The following SLC13A2 variants were observed in gnomAD, a reference collection of about 807,000 sequenced individuals.
The protein encoded by SLC13A2 is solute carrier family 13 member 2.
Under a neutral mutation model 58.5 loss-of-function variants are expected in SLC13A2, and 40 were observed. The ratio of observed to expected loss-of-function variants is 0.68; its 90% CI spans 0.53 to 0.89. The LOEUF (loss-of-function observed/expected upper bound fraction) is 0.89. SLC13A2 is among the 40% of genes least tolerant of loss of function. The pLI is 0.00. For missense variants in SLC13A2, 694 were observed against 772.6 expected, an observed-to-expected ratio of 0.90 and a Z score of 1.21; for synonymous variants, 341 against 331.6, an observed-to-expected ratio of 1.03 and a Z score of -0.31.
intron 1 of SLC13A2, among the ~76,000 whole-genome samples, chr17:28,477,186 G>GTTTTTTTTTT (rs1251199584): frequency 1.7e-5 from 2 of 119,430 alleles, no homozygotes; most frequent in Non-Finnish European, 1.7e-5. Context: ...AAACACCCAA[G>GTTTTTTTTTT]TTTTTTGTTT....
intron 2 of SLC13A2, among the ~76,000 whole-genome samples, chr17:28,489,582 T>C: frequency 6.6e-6 from 1 of 151,840 alleles, no homozygotes; most frequent in South Asian, 2.1e-4. Context: ...AGGTGGGAGG[T>C]GGAAGGCCTA....
chr17:28,477,063 A>G (rs903954357), intron 1 of SLC13A2, among the ~76,000 whole-genome samples: 4 of 151,904 alleles, frequency 2.6e-5, no homozygotes, highest in Non-Finnish European at 4.4e-5. Context: ...GGGAGGCTGA[A>G]GCAGGAGAAA....
At chr17:28,482,327 C>T (rs1330727495) in intron 1 of SLC13A2, among the ~76,000 whole-genome samples, 1 of 152,188 alleles carries the variant, frequency 6.6e-6, no homozygotes, top group East Asian at 1.9e-4. Flanking sequence ...GCTGGGATTA[C>T]AGGTGTGAGC....
chr17:28,494,395 C>T lies in SLC13A2; in HGVS notation c.1191C>T (p.Asn397=), dbSNP rs1555604221. The T allele has an allele frequency of 6.2e-7, 1 of 1,614,166 alleles. No homozygotes were observed. Among genetic ancestry groups the T allele is most frequent in the East Asian group, 2.2e-5 (1 of 44,862 alleles). ...CCTTCTCTGCTTGGGAAGTAGAAAACCCAGGGAAGCTGAAGGCCCCTCTTG... is the reference window on the plus strand; with the variant it reads ...CCTTCTCTGCTTGGGAAGTAGAAAATCCAGGGAAGCTGAAGGCCCCTCTTG... ...KFPGLTQDPE[N]PGKLKAPLGL... The change falls in exon 9 of 12, where the codon AAC becomes AAT. Residue 397 remains asparagine, a synonymous_variant. Coordinates refer to ENST00000314669, the MANE Select transcript of SLC13A2 (RefSeq NM_003984.4). The surrounding 1 kb of genome is among the most constrained non-coding windows in gnomAD (Gnocchi z 4.0).
intron 1 of SLC13A2, among the ~76,000 whole-genome samples, chr17:28,480,934 C>A (rs1210340481): frequency 1.3e-5 from 2 of 152,128 alleles, no homozygotes; most frequent in Non-Finnish European, 2.9e-5. Flanking sequence ...GTTTTTCTAG[C>A]CTCTGGGATG....
intron 1 of SLC13A2, among the ~76,000 whole-genome samples, chr17:28,474,479 C>T (rs2068638450): frequency 6.6e-6 from 1 of 152,186 alleles, no homozygotes; most frequent in South Asian, 2.1e-4. Flanking sequence ...TAAATCAAGC[C>T]GCCAATGCCT....
chr17:28,487,598 G>A, intron 1 of SLC13A2: 1 of 985,276 alleles, frequency 1.0e-6, no homozygotes, highest in Non-Finnish European at 1.2e-6. Context: ...AGAGAGTTCT[G>A]GGTGGACAGG....
intron 1 of SLC13A2, among the ~76,000 whole-genome samples, chr17:28,481,181 G>A (rs180995586): frequency 6.6e-6 from 1 of 152,356 alleles, no homozygotes; most frequent in East Asian, 1.9e-4. Flanking sequence ...AGAGGAGCTT[G>A]CATTTTGCTC....
intron 2 of SLC13A2, among the ~76,000 whole-genome samples, chr17:28,489,552 G>A (rs2068960399): frequency 6.6e-6 from 1 of 152,222 alleles, no homozygotes; most frequent in Non-Finnish European, 1.5e-5. Context: ...CATTCAAGGT[G>A]AGAGTGATTA....
In SLC13A2 at chr17:28,473,770, G is replaced by A. The variant is rs368245623; in HGVS notation, c.58G>A (p.Val20Met). ...TCGCTCCTACCTGATCGTGTTCTTC[G>A]TGCCCATTCTCCTGCTGCCTCTGCC... ...AYRSYLIVFF[V>M]PILLLPLPIL... Residue 20 changes from valine (V) to methionine (M), a missense_variant, in exon 1 of 12, where the codon GTG (valine) becomes ATG (methionine). Physicochemically the swap from Val to Met is conservative, Grantham distance 21. Transcript: ENST00000314669. 21 of 1,613,980 alleles carry A rather than the reference G, an allele frequency of 1.3e-5. No individual in the cohort carries two copies. The highest frequency in any genetic ancestry group is 5.3e-5 in the African/African-American group (4 of 74,908).
Position 28,496,454 on chromosome 17 carries a change from A to G in SLC13A2, c.1475A>G (p.Gln492Arg), listed in dbSNP as rs1555604647. 11 of 1,602,060 alleles carry G rather than the reference A, an allele frequency of 6.9e-6. No individual in the cohort carries two copies. In the African/African-American group the frequency reaches 1.5e-4, roughly 21 times the overall value. ...IFLPILASMA[Q>R]AICLHPLYVM... ...CGCCACTGCCTCCCACTCCAGGCCCAGGCCATCTGCCTCCACCCTCTCTAC... is the reference window on the plus strand; with the variant it reads ...CGCCACTGCCTCCCACTCCAGGCCCGGGCCATCTGCCTCCACCCTCTCTAC... The change falls in exon 11 of 12, where the codon CAG becomes CGG. Residue 492 changes from glutamine (Q) to arginine (R), a missense_variant. Gln to Arg is a conservative substitution (Grantham distance 43). Coordinates refer to ENST00000314669, the MANE Select transcript of SLC13A2 (RefSeq NM_003984.4). The surrounding 1 kb of genome is among the most constrained non-coding windows in gnomAD (Gnocchi z 4.2).
chr17:28,495,898 C>T (rs981552596), intron 10 of SLC13A2, 82 bp downstream of exon 10: 3 of 1,482,760 alleles, frequency 2.0e-6, no homozygotes, highest in Non-Finnish European at 2.7e-6. Context: ...GGCAGAGTAT[C>T]CTGTCTTTGC....
rs782774839 is a variant in SLC13A2, at chr17:28,490,864, G to A, written c.532G>A (p.Glu178Lys). Residue 178 changes from glutamate (E) to lysine (K), a missense_variant, in exon 4 of 12, where the codon GAG (glutamate) becomes AAG (lysine). Transcript: ENST00000314669. ...GGAGGGCAGCAACAACCCCACCTTC[G>A]AGCTCCAGGAACCAAGTCCCCAGAA... ...VEEGSNNPTF[E>K]LQEPSPQKEV... is the part of the protein sequence containing the mutation. 1.8e-5 allele frequency: 29 copies of A among 1,613,854 alleles called. No homozygotes were observed. Among genetic ancestry groups the A allele is most frequent in the Middle Eastern group, 1.6e-4 (1 of 6,084 alleles).
At chr17:28,487,685 G>A (rs1246236058) in intron 1 of SLC13A2, 10 of 584,546 alleles carry the variant, frequency 1.7e-5, no homozygotes, top group African/African-American at 8.1e-5. Context: ...CAGTCATTGC[G>A]GGTGAGGAAA....
intron 2 of SLC13A2, among the ~76,000 whole-genome samples, chr17:28,489,707 T>C (rs1351299838): frequency 2.0e-5 from 3 of 152,108 alleles, no homozygotes; most frequent in Admixed American, 2.0e-4. Flanking sequence ...AAAACACAAA[T>C]GGCTGGGTCC....
At chr17:28,478,306 C>A (rs567159603) in intron 1 of SLC13A2, among the ~76,000 whole-genome samples, 12 of 152,336 alleles carry the variant, frequency 7.9e-5, no homozygotes, top group African/African-American at 2.4e-4. Flanking sequence ...AGTCAGTCCT[C>A]CCACCATACT....
intron 2 of SLC13A2, among the ~76,000 whole-genome samples, chr17:28,489,668 C>G (rs985352735): frequency 5.9e-5 from 9 of 152,308 alleles, no homozygotes; most frequent in Non-Finnish European, 1.3e-4. Context: ...TGAACTTGAA[C>G]AGCATCGGAG....
rs372935169 is a variant in SLC13A2 at position 28,490,795 on chromosome 17, G to A, written c.463G>A (p.Val155Ile). Residue 155 changes from valine to isoleucine, a missense_variant, in exon 4 of 12, where the codon GTC becomes ATC. Coordinates refer to ENST00000314669, the MANE Select transcript of SLC13A2 (RefSeq NM_003984.4). Reference protein sequence around the residue: ...SAMMVPIAHAVLDQLHSSQAS... With the variant: ...SAMMVPIAHAILDQLHSSQAS... Reference sequence around the variant, plus strand: ...CATGATGGTGCCCATCGCACATGCCGTCCTGGACCAGCTGCACAGCTCGCA... The same window carrying A: ...CATGATGGTGCCCATCGCACATGCCATCCTGGACCAGCTGCACAGCTCGCA... 24 of 1,613,848 alleles carry A rather than the reference G, an allele frequency of 1.5e-5. No individual in the cohort carries two copies. The highest frequency in any genetic ancestry group is 1.6e-4 in the Middle Eastern group (1 of 6,084).
At position 28,482,668 on chromosome 17, in the gene SLC13A2, C is replaced by G. The variant is rs759172119; in HGVS notation, c.103-6546C>G. On this transcript the variant is annotated intron_variant, in intron 1 of 11. Transcript: ENST00000314669. ...TTTTCTCCCGTCTTCCAGACAAATT[C>G]CTAGATCCTCTCAGGGCAGACAAGG... Among the ~76,000 whole-genome samples the G allele has an allele frequency of 1.2e-3, 186 of 152,322 alleles. 1 individual carries two copies. The highest frequency in any genetic ancestry group is 2.2e-3 in the Non-Finnish European group (150 of 68,032).
Sources: gnomAD v4.1 joint callset for allele counts (sites outside exome capture counted in the v4.1 genomes callset) on GRCh38, gnomAD v4.1.1 for gene constraint, Gnocchi (gnomAD v3.1) non-coding constraint, MANE v1.5 for transcripts, NCBI Gene and HGNC (gene_info 2026-07-23, HGNC 2026-07-21) for gene names.